Variants in ITGA8 observed in about 807,000 individuals in gnomAD.
ITGA8 encodes integrin alpha-8.
In ITGA8, 91 loss-of-function variants were observed where a neutral mutation model predicts 142.3. The ratio of observed to expected loss-of-function variants is 0.64; its 90% CI spans 0.54 to 0.76. The LOEUF is 0.76. Among genes scored for constraint, ITGA8 ranks in the 30% least tolerant of loss-of-function variants. The probability of loss-of-function intolerance (pLI) is 0.00; values close to 1 mark genes in which losing one functional copy is unlikely to be tolerated. For synonymous variants in ITGA8, 505 were observed against 485.2 expected (o/e 1.04, Z -0.54); for missense variants, 1,406 against 1,327.7 (o/e 1.06, Z -0.92).
intron 13 of ITGA8, among the ~76,000 whole-genome samples, chr10:15,633,311 A>C (rs923356959): frequency 6.6e-6 from 1 of 152,228 alleles, no homozygotes; most frequent in East Asian, 1.9e-4. Flanking sequence ...ATGATCAAAA[A>C]AATAAAGAAG....
chr10:15,525,793 A>C (rs1298466874), intron 28 of ITGA8, among the ~76,000 whole-genome samples: 3 of 152,044 alleles, frequency 2.0e-5, no homozygotes, highest in African/African-American at 4.8e-5. Context: ...TTTATTATGA[A>C]TCATGTATTA....
At chr10:15,667,186 C>G (rs1293766850) in intron 8 of ITGA8, among the ~76,000 whole-genome samples, 3 of 152,160 alleles carry the variant, frequency 2.0e-5, no homozygotes, top group Non-Finnish European at 4.4e-5. Context: ...ATTATTGCCT[C>G]AATTTCAGAG....
At chr10:15,667,604 T>G (rs1440587397) in intron 8 of ITGA8, among the ~76,000 whole-genome samples, 1 of 152,238 alleles carries the variant, frequency 6.6e-6, no homozygotes, top group Non-Finnish European at 1.5e-5. Flanking sequence ...CTTTTAATTG[T>G]GATGTTAGGG....
chr10:15,594,083 G>T (rs1030363018), intron 21 of ITGA8, among the ~76,000 whole-genome samples: 3 of 151,824 alleles, frequency 2.0e-5, no homozygotes, highest in Non-Finnish European at 4.4e-5. Context: ...CTCATGATCC[G>T]CCCGCCTTGA....
chr10:15,597,788 C>T lies in ITGA8; in HGVS notation c.2119-489G>A, dbSNP rs147964769. The stretch of plus-strand genomic sequence containing the variant: ...TCCCGTTTTGAGATCATGCAATCGA[C>T]TTTCTTCTGTTCTTCAGTATTTCAG... On this transcript the variant is annotated intron_variant, in intron 20 of 29. Coordinates refer to ENST00000378076, the MANE Select transcript of ITGA8 (RefSeq NM_003638.3). Among the ~76,000 whole-genome samples the T allele has an allele frequency of 2.0e-3, 297 of 152,292 alleles. 1 individual carries two copies. Among genetic ancestry groups the T allele is most frequent in the African/African-American group, 7.0e-3 (291 of 41,560 alleles).
At chr10:15,596,500 T>C (rs935911942) in intron 21 of ITGA8, 1 of 152,234 alleles carries the variant, frequency 6.6e-6, no homozygotes, top group Admixed American at 6.6e-5. Context: ...CCAATAATAA[T>C]ATGTCATGGG....
intron 27 of ITGA8, among the ~76,000 whole-genome samples, chr10:15,546,353 C>T (rs1833668191): frequency 6.6e-6 from 1 of 152,218 alleles, no homozygotes. Flanking sequence ...CAGCCCTTGG[C>T]ACACAGTAGG....
intron 6 of ITGA8, 125 bp from the exon 7 acceptor site, chr10:15,672,874 C>A: frequency 9.4e-7 from 1 of 1,059,190 alleles, no homozygotes; most frequent in Non-Finnish European, 1.3e-6. Flanking sequence ...AATTTTCCCG[C>A]CTGCCGCTCA....
chr10:15,572,897 TTC>T (rs1834211479), intron 24 of ITGA8, among the ~76,000 whole-genome samples: 1 of 152,174 alleles, frequency 6.6e-6, no homozygotes, highest in Non-Finnish European at 1.5e-5. Flanking sequence ...GCTGAGCTCC[TTC>T]TGTTTCCATC....
At chr10:15,711,280 G>A (rs956913914) in intron 2 of ITGA8, among the ~76,000 whole-genome samples, 18 of 152,222 alleles carry the variant, frequency 1.2e-4, no homozygotes, top group South Asian at 2.1e-4. Context: ...CTGACCAATC[G>A]TTCAGCCTTA....
intron 28 of ITGA8, among the ~76,000 whole-genome samples, chr10:15,522,873 A>T (rs1041619022): frequency 6.6e-6 from 1 of 152,176 alleles, no homozygotes; most frequent in Admixed American, 6.5e-5. Context: ...TTAGCTAGGC[A>T]TGGTGGCAGA....
intron 27 of ITGA8, among the ~76,000 whole-genome samples, chr10:15,543,740 T>TAA (rs1833617021): frequency 1.3e-5 from 2 of 152,162 alleles, no homozygotes; most frequent in Non-Finnish European, 2.9e-5. Flanking sequence ...GGTTGAATAA[T>TAA]GTCTTACCCA....
chr10:15,694,751 C>G (rs1212402346), intron 2 of ITGA8, among the ~76,000 whole-genome samples: 5 of 134,966 alleles, frequency 3.7e-5, no homozygotes, highest in Non-Finnish European at 7.7e-5. Flanking sequence ...CAACCTAAGT[C>G]CAAGAATTCA....
intron 2 of ITGA8, among the ~76,000 whole-genome samples, chr10:15,693,903 T>C (rs572404698): frequency 7.2e-4 from 110 of 151,892 alleles, no homozygotes; most frequent in Non-Finnish European, 1.1e-3. Flanking sequence ...TAATGACAGA[T>C]AGCTTAAGAT....
chr10:15,555,262 G>A (rs1833867250), intron 26 of ITGA8, among the ~76,000 whole-genome samples: 1 of 152,182 alleles, frequency 6.6e-6, no homozygotes, highest in African/African-American at 2.4e-5. Flanking sequence ...AGGATTAAGA[G>A]CATGTAGGTT....
intron 27 of ITGA8, among the ~76,000 whole-genome samples, chr10:15,546,155 G>T (rs1833663713): frequency 6.6e-6 from 1 of 152,142 alleles, no homozygotes; most frequent in South Asian, 2.1e-4. Flanking sequence ...ACCTGCAGAA[G>T]CAGCCGCACT....
At chr10:15,608,862 C>A (rs897667958) in intron 15 of ITGA8, among the ~76,000 whole-genome samples, 6 of 152,046 alleles carry the variant, frequency 3.9e-5, no homozygotes, top group Admixed American at 3.9e-4. Context: ...ACTTAAAACA[C>A]CCACTCTGCT....
intron 23 of ITGA8, among the ~76,000 whole-genome samples, chr10:15,581,004 T>C (rs1834397603): frequency 6.6e-6 from 1 of 152,250 alleles, no homozygotes; most frequent in Non-Finnish European, 1.5e-5. Flanking sequence ...GTCTGGCCTT[T>C]GCCCTCAGCT....
At chr10:15,689,403 C>T (rs1485548391) in intron 2 of ITGA8, among the ~76,000 whole-genome samples, 2 of 152,158 alleles carry the variant, frequency 1.3e-5, no homozygotes, top group Non-Finnish European at 2.9e-5. Context: ...TCCACCCTCT[C>T]GCCTCCACCA....
Sources: allele counts gnomAD v4.1 joint callset (sites outside exome capture counted in the v4.1 genomes callset), GRCh38; gene constraint gnomAD v4.1.1; transcripts MANE v1.5; gene names NCBI Gene and HGNC (gene_info 2026-07-23, HGNC 2026-07-21).